Variants in MOXD1 observed in about 807,000 individuals in gnomAD.
MOXD1 encodes DBH-like monooxygenase protein 1.
In MOXD1, 62 loss-of-function variants were observed where a neutral mutation model predicts 66.6. The ratio of observed to expected loss-of-function variants is 0.93; its 90% confidence interval spans 0.76 to 1.15. MOXD1 has a LOEUF of 1.15. MOXD1 is among the 50% of genes most tolerant of loss of function. The pLI is 0.00. For missense variants in MOXD1, 847 were observed against 754.6 expected, an observed-to-expected ratio of 1.12 and a Z score of -1.44; for synonymous variants, 303 against 281.9, an observed-to-expected ratio of 1.07 and a Z score of -0.75.
chr6:132,400,562 T>C (rs1437374547), intron 1 of MOXD1, among the ~76,000 whole-genome samples: 1 of 152,196 alleles, frequency 6.6e-6, no homozygotes, highest in Non-Finnish European at 1.5e-5. Context: ...ATATTTTGCC[T>C]GGGGACCTTC....
At chr6:132,365,923 A>C (rs1776112204) in intron 4 of MOXD1, among the ~76,000 whole-genome samples, 1 of 152,202 alleles carries the variant, frequency 6.6e-6, no homozygotes, top group African/African-American at 2.4e-5. Context: ...TCTAGTAGAT[A>C]AAAAATAGAT....
intron 4 of MOXD1, among the ~76,000 whole-genome samples, chr6:132,372,273 A>G (rs1195041144): frequency 6.6e-6 from 1 of 152,222 alleles, no homozygotes; most frequent in Admixed American, 6.5e-5. Flanking sequence ...TCATGGGTAT[A>G]ATTTATCAAT....
chr6:132,398,177 CTTAAG>C (rs778395397), intron 1 of MOXD1, among the ~76,000 whole-genome samples: 2 of 152,108 alleles, frequency 1.3e-5, no homozygotes, highest in African/African-American at 4.8e-5. Flanking sequence ...GCTTGTTTCA[CTTAAG>C]TTAATGGCCT....
At chr6:132,367,678 G>A (rs1274287736) in intron 4 of MOXD1, among the ~76,000 whole-genome samples, 2 of 152,016 alleles carry the variant, frequency 1.3e-5, no homozygotes, top group African/African-American at 4.8e-5. Flanking sequence ...TTTATTAATA[G>A]TTTTGTAAGT....
rs978140675 is a variant in MOXD1, at chr6:132,297,861, G to C, written c.1603C>G (p.Leu535Val). The C allele has an allele frequency of 4.3e-6, 7 of 1,613,358 alleles. No homozygotes were observed. Among genetic ancestry groups the C allele is most frequent in the East Asian group, 2.2e-5 (1 of 44,846 alleles). ...CTGAGGACCAGCTTGTTGAAGGAGA[G>C]ACCTTCCTTTTTAGTCCATTTAAAC... The part of the protein sequence containing the change: ...NKFKWTKKEG[L>V]SFNKLVLSLP... Residue 535 changes from leucine (L) to valine (V), a missense_variant, in exon 11 of 12, where the codon CTC becomes GTC. By Grantham distance (32) the Leu-to-Val change is conservative. Coordinates refer to ENST00000367963, the MANE Select transcript of MOXD1 (RefSeq NM_015529.4).
chr6:132,300,186 G>A (rs1774500981), intron 10 of MOXD1, among the ~76,000 whole-genome samples: 1 of 152,128 alleles, frequency 6.6e-6, no homozygotes, highest in East Asian at 1.9e-4. Flanking sequence ...GCCCCATAAA[G>A]TAAGAGCAAT....
intron 4 of MOXD1, among the ~76,000 whole-genome samples, chr6:132,355,014 C>T (rs182561207): frequency 3.3e-5 from 5 of 152,280 alleles, no homozygotes; most frequent in African/African-American, 1.2e-4. Flanking sequence ...GCCCCTCCCC[C>T]AACATCCTGT....
At chr6:132,383,759 C>A (rs1776557063) in intron 1 of MOXD1, among the ~76,000 whole-genome samples, 1 of 152,172 alleles carries the variant, frequency 6.6e-6, no homozygotes, top group South Asian at 2.1e-4. Flanking sequence ...CCTATCCCAT[C>A]ACCTTAATTT....
chr6:132,303,708 TACACACAC>T, intron 10 of MOXD1, among the ~76,000 whole-genome samples: 1 of 135,978 alleles, frequency 7.4e-6, no homozygotes, highest in Non-Finnish European at 1.6e-5. Context: ...ACTGTATACA[TACACACAC>T]ACACACACAC....
chr6:132,365,307 ATGCTCGAGG>A (rs1347090475), intron 4 of MOXD1, among the ~76,000 whole-genome samples: 5 of 152,150 alleles, frequency 3.3e-5, no homozygotes, highest in African/African-American at 1.2e-4. Flanking sequence ...CTCCAAGTCC[ATGCTCGAGG>A]TGCTAAAGAA....
intron 4 of MOXD1, among the ~76,000 whole-genome samples, chr6:132,345,050 C>T (rs1374068283): frequency 6.6e-6 from 1 of 152,180 alleles, no homozygotes; most frequent in Non-Finnish European, 1.5e-5. Flanking sequence ...ACCCAGGGGC[C>T]ACGGTCCAGA....
At chr6:132,385,045 G>C (rs35018400) in intron 1 of MOXD1, among the ~76,000 whole-genome samples, 9 of 152,186 alleles carry the variant, frequency 5.9e-5, no homozygotes, top group Admixed American at 1.3e-4. Flanking sequence ...ATTTAGTTTC[G>C]AGGAAGAGTC....
intron 10 of MOXD1, among the ~76,000 whole-genome samples, chr6:132,307,739 T>C (rs1263551196): frequency 6.6e-6 from 1 of 152,102 alleles, no homozygotes; most frequent in Middle Eastern, 3.2e-3. Context: ...ATACAATTAA[T>C]GGAAATCGAA....
intron 10 of MOXD1, among the ~76,000 whole-genome samples, chr6:132,314,384 A>G (rs762898084): frequency 6.6e-6 from 1 of 152,232 alleles, no homozygotes; most frequent in Non-Finnish European, 1.5e-5. Context: ...CTTCCAGTCT[A>G]GCCCTCCTAG....
At chr6:132,314,882 C>A (rs903262551) in intron 10 of MOXD1, among the ~76,000 whole-genome samples, 3 of 152,138 alleles carry the variant, frequency 2.0e-5, no homozygotes, top group Admixed American at 1.3e-4. Flanking sequence ...TTTATTATAT[C>A]TTAAATAGCT....
intron 1 of MOXD1, among the ~76,000 whole-genome samples, chr6:132,377,577 A>G (rs914727470): frequency 6.6e-6 from 1 of 152,182 alleles, no homozygotes; most frequent in Non-Finnish European, 1.5e-5. Flanking sequence ...TAACTTAGTT[A>G]TTAGAAAATG....
intron 4 of MOXD1, among the ~76,000 whole-genome samples, chr6:132,348,951 A>G (rs984508938): frequency 7.9e-5 from 12 of 151,782 alleles, no homozygotes; most frequent in Admixed American, 7.2e-4. Context: ...CCTTGTGTGT[A>G]TTCTCTCCTT....
intron 4 of MOXD1, among the ~76,000 whole-genome samples, chr6:132,357,754 T>C (rs1228133226): frequency 6.6e-6 from 1 of 152,118 alleles, no homozygotes; most frequent in Non-Finnish European, 1.5e-5. Flanking sequence ...GAGATATAAA[T>C]CTTAGGTGTA....
intron 4 of MOXD1, among the ~76,000 whole-genome samples, chr6:132,369,431 C>A (rs561960432): frequency 1.7e-4 from 26 of 152,158 alleles, no homozygotes; most frequent in African/African-American, 5.8e-4. Context: ...CACAATTTCA[C>A]AGAGAGAAGA....
Sources: allele counts gnomAD v4.1 joint callset (sites outside exome capture counted in the v4.1 genomes callset), GRCh38; gene constraint gnomAD v4.1.1; transcripts MANE v1.5; gene names NCBI Gene and HGNC (gene_info 2026-07-23, HGNC 2026-07-21).